COL24A1: variants seen among roughly 807,000 people sequenced by gnomAD.
COL24A1 encodes collagen alpha-1(XXIV) chain.
Under a neutral mutation model 253.9 loss-of-function variants are expected in COL24A1, and 224 were observed. The ratio of observed to expected loss-of-function variants is 0.88; its 90% CI spans 0.79 to 0.99. COL24A1 has a LOEUF of 0.99. COL24A1 is among the 50% of genes least tolerant of loss of function. The pLI, the probability that COL24A1 is intolerant of heterozygous loss-of-function variation, is 0.00. For synonymous variants in COL24A1, 685 were observed against 673.7 expected (o/e 1.02, Z -0.26); for missense variants, 2,131 against 2,068.5 (o/e 1.03, Z -0.59).
intron 26 of COL24A1, 67 bp downstream of exon 26, chr1:85,909,883 A>C (rs1558618722): frequency 1.4e-5 from 18 of 1,295,316 alleles, no homozygotes; most frequent in Non-Finnish European, 2.0e-5. Flanking sequence ...AGGCAATTCC[A>C]TCTCTGGAAC....
chr1:86,020,061 C>CTTTTTTTTTTTTTT (rs10582249), intron 18 of COL24A1, among the ~76,000 whole-genome samples: 3 of 102,592 alleles, frequency 2.9e-5, no homozygotes, highest in African/African-American at 6.6e-5. Flanking sequence ...TTCATTCTTT[C>CTTTTTTTTTTTTTT]TTTTTTTTTT....
At chr1:85,926,244 A>T (rs570144930) in intron 24 of COL24A1, among the ~76,000 whole-genome samples, 1 of 152,322 alleles carries the variant, frequency 6.6e-6, no homozygotes, top group South Asian at 2.1e-4. Flanking sequence ...AAACTAGTTC[A>T]ACCATTGTGG....
At chr1:85,943,576 A>G (rs1688954721) in intron 24 of COL24A1, among the ~76,000 whole-genome samples, 1 of 152,248 alleles carries the variant, frequency 6.6e-6, no homozygotes, top group Non-Finnish European at 1.5e-5. Context: ...ATAGTGAAAG[A>G]GAAAAGTTTA....
chr1:85,945,604 G>T (rs1413034425), intron 24 of COL24A1, among the ~76,000 whole-genome samples: 2 of 148,056 alleles, frequency 1.4e-5, no homozygotes, highest in Non-Finnish European at 3.0e-5. Flanking sequence ...ACAGATGCCA[G>T]ATAGGTTGGT....
At chr1:85,986,991 C>A (rs1260450570) in intron 20 of COL24A1, among the ~76,000 whole-genome samples, 1 of 151,728 alleles carries the variant, frequency 6.6e-6, no homozygotes, top group African/African-American at 2.4e-5. Flanking sequence ...ACATACAAAC[C>A]AGTAAGTTTG....
chr1:85,894,924 T>C (rs1396812702), intron 31 of COL24A1, among the ~76,000 whole-genome samples: 2 of 152,206 alleles, frequency 1.3e-5, no homozygotes, highest in African/African-American at 4.8e-5. Context: ...TTATTAATAC[T>C]GTAGCGGCTA....
intron 32 of COL24A1, among the ~76,000 whole-genome samples, chr1:85,878,085 C>T (rs1277751521): frequency 1.3e-5 from 2 of 151,880 alleles, no homozygotes; most frequent in Non-Finnish European, 2.9e-5. Flanking sequence ...GAATAATATT[C>T]CATTGTATGG....
At chr1:86,032,785 A>T (rs1048154472) in intron 13 of COL24A1, among the ~76,000 whole-genome samples, 1 of 152,150 alleles carries the variant, frequency 6.6e-6, no homozygotes, top group Non-Finnish European at 1.5e-5. Flanking sequence ...CTCCTGAAGA[A>T]ATATTATTAT....
intron 45 of COL24A1, among the ~76,000 whole-genome samples, chr1:85,819,792 C>G (rs928898894): frequency 6.6e-6 from 1 of 151,244 alleles, no homozygotes; most frequent in Admixed American, 6.6e-5. Context: ...ACACTGACGG[C>G]AATCTCTGAA....
At chr1:85,785,006 C>T (rs1669533222) in intron 48 of COL24A1, among the ~76,000 whole-genome samples, 1 of 152,124 alleles carries the variant, frequency 6.6e-6, no homozygotes, top group African/African-American at 2.4e-5. Context: ...GGTAGAATTA[C>T]AAGTGTGAGC....
intron 20 of COL24A1, among the ~76,000 whole-genome samples, chr1:85,979,152 G>T (rs1692990347): frequency 6.6e-6 from 1 of 152,064 alleles, no homozygotes; most frequent in South Asian, 2.1e-4. Context: ...CGATAATAGT[G>T]ACACAACCTA....
At chr1:85,826,299 A>C (rs1336714946) in intron 43 of COL24A1, among the ~76,000 whole-genome samples, 15 of 146,708 alleles carry the variant, frequency 1.0e-4, no homozygotes, top group East Asian at 4.0e-4. Context: ...TGTTTTGGTA[A>C]CAGTACCATG....
chr1:85,957,229 T>A (rs1471847975), intron 24 of COL24A1, among the ~76,000 whole-genome samples: 1 of 152,030 alleles, frequency 6.6e-6, no homozygotes, highest in African/African-American at 2.4e-5. Context: ...TGAGGACAAA[T>A]ACCTAATGCA....
intron 7 of COL24A1, among the ~76,000 whole-genome samples, chr1:86,065,921 G>C (rs1017623046): frequency 6.6e-6 from 1 of 152,164 alleles, no homozygotes; most frequent in Non-Finnish European, 1.5e-5. Context: ...AGGAAGAGTA[G>C]GGTCGCTGAG....
chr1:85,732,705 T>C (rs974261045), intron 59 of COL24A1, among the ~76,000 whole-genome samples: 1 of 152,228 alleles, frequency 6.6e-6, no homozygotes, highest in Non-Finnish European at 1.5e-5. Flanking sequence ...CTTACTTTGC[T>C]CAAAATAACC....
At chr1:85,824,429 C>T (rs542079158) in intron 43 of COL24A1, among the ~76,000 whole-genome samples, 1 of 152,248 alleles carries the variant, frequency 6.6e-6, no homozygotes, top group South Asian at 2.1e-4. Flanking sequence ...AGTCAATAAC[C>T]AAAGGAACAG....
intron 24 of COL24A1, among the ~76,000 whole-genome samples, chr1:85,945,386 C>T (rs1689238941): frequency 6.6e-6 from 1 of 151,032 alleles, no homozygotes; most frequent in Admixed American, 6.6e-5. Flanking sequence ...CTTAAGGATG[C>T]CCTGACTGAC....
At chr1:85,792,274 G>A (rs756585848) in intron 47 of COL24A1, among the ~76,000 whole-genome samples, 1 of 151,884 alleles carries the variant, frequency 6.6e-6, no homozygotes, top group Non-Finnish European at 1.5e-5. Context: ...GTTTCTCCAT[G>A]TATTCAACAA....
At chr1:85,985,481 C>G (rs1693647183) in intron 20 of COL24A1, among the ~76,000 whole-genome samples, 1 of 151,732 alleles carries the variant, frequency 6.6e-6, no homozygotes, top group Non-Finnish European at 1.5e-5. Flanking sequence ...TTGTGGAGGT[C>G]ACTGAAGGAT....
Sources: allele counts gnomAD v4.1 joint callset (sites outside exome capture counted in the v4.1 genomes callset), GRCh38; gene constraint gnomAD v4.1.1; transcripts MANE v1.5; gene names NCBI Gene and HGNC (gene_info 2026-07-23, HGNC 2026-07-21).